The following KLF12 variants were observed in gnomAD, a reference collection of about 807,000 sequenced individuals.
KLF12 encodes Krueppel-like factor 12.
A neutral mutation model predicts 37.8 loss-of-function variants in KLF12; 9 were observed. That is an observed-to-expected ratio of 0.24 (90% confidence interval 0.14 to 0.42). The LOEUF is 0.42. Ranked by LOEUF, KLF12 falls within the 10% of genes least tolerant of loss-of-function variation. The pLI, the probability that KLF12 is intolerant of heterozygous loss-of-function variation, is 1.00. For missense variants in KLF12, 411 were observed against 516.0 expected, an observed-to-expected ratio of 0.80 and a Z score of 1.97; for synonymous variants, 208 against 202.1, an observed-to-expected ratio of 1.03 and a Z score of -0.25.
chr13:74,122,960 TAAAAAAAAA>T (rs58691841), intron 1 of KLF12, among the ~76,000 whole-genome samples: 2 of 113,890 alleles, frequency 1.8e-5, no homozygotes, highest in African/African-American at 6.8e-5. Context: ...AACAGGTCAC[TAAAAAAAAA>T]AAAAAAAAAA....
intron 3 of KLF12, among the ~76,000 whole-genome samples, chr13:73,936,214 T>C (rs1482306799): frequency 6.6e-6 from 1 of 152,196 alleles, no homozygotes; most frequent in Non-Finnish European, 1.5e-5. Flanking sequence ...CAGCACTAGA[T>C]CGTGTATTCT....
At chr13:73,745,863 T>C (rs1878325297) in intron 6 of KLF12, among the ~76,000 whole-genome samples, 1 of 152,214 alleles carries the variant, frequency 6.6e-6, no homozygotes, top group Non-Finnish European at 1.5e-5. Context: ...AATCAGTAAC[T>C]GTGGAAAAAG....
chr13:73,957,026 GA>G (rs1890861293), intron 2 of KLF12, among the ~76,000 whole-genome samples: 1 of 9,594 alleles, frequency 1.0e-4, no homozygotes, highest in East Asian at 0.01. Flanking sequence ...GAAAGGAAAG[GA>G]AAGGAAAGGA....
intron 2 of KLF12, among the ~76,000 whole-genome samples, chr13:73,978,999 C>T (rs1479233822): frequency 1.3e-5 from 2 of 151,992 alleles, no homozygotes; most frequent in Non-Finnish European, 2.9e-5. Flanking sequence ...CAGTGGTTGC[C>T]AAGGGTTGGG....
intron 2 of KLF12, among the ~76,000 whole-genome samples, chr13:73,990,296 A>C (rs2138239233): frequency 6.6e-6 from 1 of 152,324 alleles, no homozygotes; most frequent in Non-Finnish European, 1.5e-5. Context: ...AGATCCAAGA[A>C]AAAATGGAAC....
At chr13:74,067,015 A>G (rs1367412168) in intron 1 of KLF12, among the ~76,000 whole-genome samples, 1 of 152,228 alleles carries the variant, frequency 6.6e-6, no homozygotes, top group African/African-American at 2.4e-5. Flanking sequence ...CAGTGTGGAC[A>G]GGGACACACA....
chr13:73,989,404 A>T (rs564278505), intron 2 of KLF12, among the ~76,000 whole-genome samples: 3 of 152,364 alleles, frequency 2.0e-5, no homozygotes, highest in Admixed American at 6.5e-5. Flanking sequence ...GACTAAGTGA[A>T]TACAGATCAA....
chr13:73,835,379 T>C (rs1884377223), intron 4 of KLF12, among the ~76,000 whole-genome samples: 1 of 152,154 alleles, frequency 6.6e-6, no homozygotes, highest in African/African-American at 2.4e-5. Flanking sequence ...ACAGGTCTCA[T>C]GGTTCCATAT....
At chr13:73,883,440 G>A (rs552140664) in intron 3 of KLF12, among the ~76,000 whole-genome samples, 7 of 152,286 alleles carry the variant, frequency 4.6e-5, no homozygotes, top group African/African-American at 1.4e-4. Context: ...AAGGTAGCAC[G>A]TGGTTAGGGA....
rs1168550263 is a variant in KLF12 at position 73,943,880 on chromosome 13, C to T, written c.123+101G>A. On this transcript the variant is annotated intron_variant, in intron 3 of 7. Coordinates refer to ENST00000377669, the MANE Select transcript of KLF12 (RefSeq NM_007249.5). The stretch of plus-strand genomic sequence containing the variant: ...TTAACCTGAGAGAGAAAAGCTTAAG[C>T]AAGGGAAACCGTAGAAGTGCTCTGC... 4.1e-6 allele frequency: 3 copies of T among 730,006 alleles called. No individual in the cohort carries two copies. The African/African-American group carries it at 5.4e-5, about 13-fold the overall frequency. The allele number at this position is 730,006 out of a possible 1,614,324, so 45.2% of individuals were successfully genotyped here.
At chr13:73,758,007 TC>T (rs1302719206) in intron 6 of KLF12, among the ~76,000 whole-genome samples, 2 of 152,130 alleles carry the variant, frequency 1.3e-5, no homozygotes, top group African/African-American at 4.8e-5. Flanking sequence ...CATTTATGAC[TC>T]CCCACATTCC....
At chr13:74,163,317 A>G in the KLF12 span, among the ~76,000 whole-genome samples, 1 of 152,206 alleles carries the variant, frequency 6.6e-6, no homozygotes, top group South Asian at 2.1e-4. Flanking sequence ...AATAGCTAAG[A>G]TATGGAATCA....
chr13:73,858,924 T>A (rs2138783861), intron 3 of KLF12, among the ~76,000 whole-genome samples: 1 of 152,354 alleles, frequency 6.6e-6, no homozygotes, highest in South Asian at 2.1e-4. Flanking sequence ...ATAAAGACTG[T>A]GAAATCAATT....
chr13:73,992,966 TCA>T (rs1387783291), intron 2 of KLF12, among the ~76,000 whole-genome samples: 1 of 152,172 alleles, frequency 6.6e-6, no homozygotes, highest in Non-Finnish European at 1.5e-5. Flanking sequence ...GCACAGTCAC[TCA>T]CGCCTGTAAT....
intron 1 of KLF12, among the ~76,000 whole-genome samples, chr13:74,097,296 T>A (rs1876035491): frequency 6.6e-6 from 1 of 152,164 alleles, no homozygotes; most frequent in Non-Finnish European, 1.5e-5. Context: ...GAGTGTCATT[T>A]CTACAAACAT....
At chr13:74,075,088 G>A (rs1324908) in intron 1 of KLF12, among the ~76,000 whole-genome samples, 48,035 of 151,948 alleles carry the variant, frequency 0.32, 8,254 homozygotes, top group African/African-American at 0.44. Context: ...CACTTAATAA[G>A]TGTTGAAGGA....
chr13:73,853,653 C>T lies in KLF12; in HGVS notation c.124-7280G>A, dbSNP rs570078102. The stretch of plus-strand genomic sequence containing the variant: ...ACTAGGGAAGCTGAGGCAGGAGAAT[C>T]GCTTGAACCTGGGAGGTGAAGGTTG... On this transcript the variant is annotated intron_variant, in intron 3 of 7. Coordinates refer to ENST00000377669, the MANE Select transcript of KLF12 (RefSeq NM_007249.5). Among the ~76,000 whole-genome samples, 6 of 151,638 alleles carry T rather than the reference C, an allele frequency of 4.0e-5. No individual in the cohort carries two copies. The East Asian group carries it at 9.7e-4, about 25-fold the overall frequency.
intron 3 of KLF12, among the ~76,000 whole-genome samples, chr13:73,933,504 G>A (rs1889780347): frequency 6.6e-6 from 1 of 151,996 alleles, no homozygotes. Flanking sequence ...CTGATCTGAG[G>A]ACAGGCCTTG....
At chr13:73,800,536 A>G (rs1458049647) in intron 5 of KLF12, 5 of 152,098 alleles carry the variant, frequency 3.3e-5, no homozygotes, top group Non-Finnish European at 7.4e-5. Flanking sequence ...TCCTTCTGCT[A>G]GGAGGAAAAT....
Sources: allele counts gnomAD v4.1 joint callset (sites outside exome capture counted in the v4.1 genomes callset), GRCh38; gene constraint gnomAD v4.1.1; transcripts MANE v1.5; gene names NCBI Gene and HGNC (gene_info 2026-07-23, HGNC 2026-07-21).